DCC: variants seen among roughly 807,000 people sequenced by gnomAD.
DCC encodes the protein netrin receptor DCC.
Under a neutral mutation model 172.5 loss-of-function variants are expected in DCC, and 58 were observed. The observed-to-expected ratio is 0.34, with a 90% confidence interval of 0.27 to 0.42. DCC has a LOEUF of 0.42. DCC is among the 10% of genes least tolerant of loss of function. The pLI is 1.00. For synonymous variants in DCC, 709 were observed against 644.5 expected (o/e 1.10, Z -1.52); for missense variants, 1,740 against 1,791.0 (o/e 0.97, Z 0.51).
At chr18:53,308,051 T>G (rs964301243) in intron 13 of DCC, among the ~76,000 whole-genome samples, 1 of 150,502 alleles carries the variant, frequency 6.6e-6, no homozygotes, top group African/African-American at 2.4e-5. Flanking sequence ...TTCTACGAGT[T>G]TATCCTAGGA....
intron 2 of DCC, among the ~76,000 whole-genome samples, chr18:52,842,297 C>T (rs1259992259): frequency 1.3e-5 from 2 of 152,096 alleles, no homozygotes; most frequent in East Asian, 1.9e-4. Flanking sequence ...GTATTGTTCA[C>T]TTGATTATGG....
intron 5 of DCC, among the ~76,000 whole-genome samples, chr18:52,927,283 G>T (rs939949586): frequency 1.3e-5 from 2 of 148,686 alleles, no homozygotes; most frequent in African/African-American, 4.9e-5. Context: ...TTATATGTGT[G>T]TATATATGTA....
chr18:52,938,996 T>C (rs2040422175), intron 5 of DCC, among the ~76,000 whole-genome samples: 1 of 152,194 alleles, frequency 6.6e-6, no homozygotes, highest in Non-Finnish European at 1.5e-5. Flanking sequence ...AGGTTAATCA[T>C]GGGATGCACC....
intron 12 of DCC, among the ~76,000 whole-genome samples, chr18:53,304,386 A>G (rs1243557966): frequency 6.6e-6 from 1 of 152,104 alleles, no homozygotes. Context: ...TAGGGCAAAG[A>G]TAATAATTTT....
At chr18:52,418,159 A>G (rs954587084) in intron 1 of DCC, among the ~76,000 whole-genome samples, 2 of 152,216 alleles carry the variant, frequency 1.3e-5, no homozygotes, top group African/African-American at 2.4e-5. Flanking sequence ...TTAATTCATT[A>G]AAGACTTCAA....
At chr18:52,708,746 G>A (rs1568055414) in intron 1 of DCC, among the ~76,000 whole-genome samples, 1 of 151,926 alleles carries the variant, frequency 6.6e-6, no homozygotes, top group African/African-American at 2.4e-5. Context: ...AAAACTAACA[G>A]GAAAGAAAAA....
intron 1 of DCC, among the ~76,000 whole-genome samples, chr18:52,669,634 C>A (rs905553231): frequency 1.3e-5 from 2 of 152,140 alleles, no homozygotes; most frequent in African/African-American, 4.8e-5. Flanking sequence ...GGCAAATACA[C>A]GGTGCATATA....
At chr18:52,612,799 T>A (rs1039742901) in intron 1 of DCC, among the ~76,000 whole-genome samples, 3 of 152,198 alleles carry the variant, frequency 2.0e-5, no homozygotes, top group African/African-American at 7.2e-5. Flanking sequence ...CTTTAAACAT[T>A]TTGCCATTTT....
intron 19 of DCC, among the ~76,000 whole-genome samples, chr18:53,406,296 G>T (rs971010940): frequency 5.3e-5 from 8 of 151,942 alleles, no homozygotes; most frequent in African/African-American, 1.9e-4. Context: ...AGTCTGATTT[G>T]CAGAAATTTC....
At chr18:52,460,795 T>C (rs1988606481) in intron 1 of DCC, among the ~76,000 whole-genome samples, 2 of 152,114 alleles carry the variant, frequency 1.3e-5, no homozygotes, top group Admixed American at 1.3e-4. Context: ...AGATTACTAA[T>C]GGAAGATCTA....
At chr18:52,381,488 A>G (rs1453357413) in intron 1 of DCC, among the ~76,000 whole-genome samples, 1 of 152,160 alleles carries the variant, frequency 6.6e-6, no homozygotes, top group Non-Finnish European at 1.5e-5. Flanking sequence ...GTTGCAAAAC[A>G]GGAGCAGGAG....
At chr18:53,360,615 A>T (rs1260497265) in intron 15 of DCC, among the ~76,000 whole-genome samples, 2 of 152,204 alleles carry the variant, frequency 1.3e-5, no homozygotes, top group Non-Finnish European at 2.9e-5. Flanking sequence ...GTATGTCTAA[A>T]GCTCCATTGT....
Position 53,119,409 on chromosome 18 carries a change from A to G in DCC, c.1262-37947A>G, listed in dbSNP as rs559897381. On this transcript the variant is annotated intron_variant, in intron 7 of 28. Transcript: ENST00000442544. ...TGGCTCAACTCTCTCACCAGCAGAT[A>G]GCATGAGGCTGACCAAGGCCTCCAT... Among the ~76,000 whole-genome samples the G allele has an allele frequency of 3.3e-5, 5 of 151,920 alleles. No homozygotes were observed. In the East Asian group the frequency reaches 9.7e-4, roughly 30 times the overall value.
At chr18:52,572,137 GA>G (rs1479408624) in intron 1 of DCC, among the ~76,000 whole-genome samples, 2 of 152,158 alleles carry the variant, frequency 1.3e-5, no homozygotes, top group Non-Finnish European at 2.9e-5. Flanking sequence ...GTCCTGTGGA[GA>G]AAATTCCATA....
rs567437807 is a variant in DCC at position 52,801,745 on chromosome 18, G to A, written c.412+49371G>A. ...TCTGTTAACATCTTACATGACAGTGGTATTCTATGGAACTGTTTGTAAAAT... is the reference window on the plus strand; with the variant it reads ...TCTGTTAACATCTTACATGACAGTGATATTCTATGGAACTGTTTGTAAAAT... On this transcript the variant is annotated intron_variant, in intron 2 of 28. Transcript: ENST00000442544. Among the ~76,000 whole-genome samples, 6 of 152,228 alleles carry A rather than the reference G, an allele frequency of 3.9e-5. No individual in the cohort carries two copies. The South Asian group carries it at 1.2e-3, about 32-fold the overall frequency.
rs10553153 is a variant in DCC, at chr18:52,603,591, TACAC to T, written c.92-148431_92-148428del. 7.5e-3 allele frequency among the ~76,000 whole-genome samples: 1,089 copies of T among 144,630 alleles called. 11 individuals are homozygous for T. Among genetic ancestry groups the T allele is most frequent in the African/African-American group, 0.02 (789 of 39,108 alleles). 94.9% of individuals were successfully genotyped at this position (144,630 alleles called of 152,430 possible). A position where few individuals can be genotyped will look rare whatever the true frequency, so the allele number is the denominator to read the frequency against. On this transcript the variant is annotated intron_variant, in intron 1 of 28. Transcript: ENST00000442544. ...TAGAAACCCTAAAATGTGAAGTTAA[TACAC>T]ACACACACACACACACACACACACA...
chr18:52,733,841 T>A (rs2036684136), intron 1 of DCC, among the ~76,000 whole-genome samples: 1 of 152,058 alleles, frequency 6.6e-6, no homozygotes, highest in South Asian at 2.1e-4. Flanking sequence ...CATTAATGGG[T>A]AAACAACATT....
intron 15 of DCC, among the ~76,000 whole-genome samples, chr18:53,370,981 C>T (rs1264384009): frequency 6.6e-6 from 1 of 151,872 alleles, no homozygotes; most frequent in African/African-American, 2.4e-5. Flanking sequence ...ATACTAAACA[C>T]TTCTACCAGT....
At chr18:52,550,148 AC>A (rs1265149729) in intron 1 of DCC, among the ~76,000 whole-genome samples, 1 of 152,000 alleles carries the variant, frequency 6.6e-6, no homozygotes, top group Non-Finnish European at 1.5e-5. Flanking sequence ...TCTAAAAAAA[AC>A]ATCGCCCAAA....
Sources: gnomAD v4.1 joint callset for allele counts (sites outside exome capture counted in the v4.1 genomes callset) on GRCh38, gnomAD v4.1.1 for gene constraint, MANE v1.5 for transcripts, NCBI Gene and HGNC (gene_info 2026-07-23, HGNC 2026-07-21) for gene names.